Variants in NEURL4 observed in about 807,000 individuals in gnomAD.
The protein encoded by NEURL4 is neuralized-like protein 4.
NEURL4 carries 45 observed loss-of-function variants against 148.0 expected under a neutral mutation model. The observed-to-expected ratio is 0.30, with a 90% CI of 0.24 to 0.39. The LOEUF is 0.39. Ranked by LOEUF, NEURL4 falls within the 10% of genes least tolerant of loss-of-function variation. NEURL4 has a pLI of 1.00. For missense variants in NEURL4, 1,776 were observed against 2,144.0 expected (o/e 0.83, Z 3.39); for synonymous variants, 854 against 869.0 (o/e 0.98, Z 0.30).
In NEURL4 at chr17:7,324,073, C is replaced by T. The variant is rs777803344; in HGVS notation, c.2062+35G>A. On this transcript the variant is annotated intron_variant, in intron 11 of 28. Coordinates refer to ENST00000399464, the MANE Select transcript of NEURL4 (RefSeq NM_032442.3). The surrounding 1 kb of genome is among the most constrained non-coding windows in gnomAD (Gnocchi z 5.9). ...TGTCTCTCAGACCTCCCAAGGCCAC[C>T]CTAACCCCCAGCCCCAGCCCAGCCC... The T allele has an allele frequency of 4.3e-6, 7 of 1,610,062 alleles. No individual in the cohort carries two copies. The South Asian group carries it at 5.5e-5, about 13-fold the overall frequency.
chr17:7,327,379 G>C lies in NEURL4; in HGVS notation c.727+61C>G. The C allele has an allele frequency of 6.8e-7, 1 of 1,468,416 alleles. No homozygotes were observed. The highest frequency in any genetic ancestry group is 9.2e-7 in the Non-Finnish European group (1 of 1,084,074). The allele number at this position is 1,468,416 out of a possible 1,614,324, so 91.0% of individuals were successfully genotyped here. The stretch of plus-strand genomic sequence containing the variant: ...GCCCTGCCCACACCCAGCCTGTCTT[G>C]TCACTCTATTTCCCCCATTCCGTCC... On this transcript the variant is annotated intron_variant, in intron 2 of 28. Transcript: ENST00000399464. The surrounding 1 kb of genome is among the most constrained non-coding windows in gnomAD (Gnocchi z 6.6).
rs749278734 is a variant in NEURL4 at position 7,327,791 on chromosome 17, C to T, written c.376G>A (p.Gly126Ser). The T allele has an allele frequency of 1.9e-6, 3 of 1,614,004 alleles. No individual in the cohort carries two copies. Among genetic ancestry groups the T allele is most frequent in the Non-Finnish European group, 2.5e-6 (3 of 1,180,024 alleles). The change falls in exon 2 of 29, where the codon GGC becomes AGC. Residue 126 changes from glycine (G) to serine (S), a missense_variant. By Grantham distance (56) the Gly-to-Ser change is moderately conservative. Transcript: ENST00000399464. The surrounding 1 kb of genome is among the most constrained non-coding windows in gnomAD (Gnocchi z 6.6). ...FPSSATGLKG[G>S]SWVVSGCSVL... ...GAGCAGCCCGACACTACCCACGAGCCCCCCTTCAGGCCCGTGGCACTGCTT... is the reference window on the plus strand; with the variant it reads ...GAGCAGCCCGACACTACCCACGAGCTCCCCTTCAGGCCCGTGGCACTGCTT...
rs2073090109 is a variant in NEURL4, at chr17:7,325,308, G to A, written c.1532C>T (p.Ala511Val). The A allele has an allele frequency of 6.2e-7, 1 of 1,611,580 alleles. No individual in the cohort carries two copies. Among genetic ancestry groups the A allele is most frequent in the African/African-American group, 1.3e-5 (1 of 74,734 alleles). ...CTCAGGTTCTGCCTGGGCGGCAGGG[G>A]CAGCACGGCGGAGAGCACCCTCGGG... is the stretch of plus-strand genomic sequence containing the variant. Reference protein sequence around the residue: ...LSPEGALRRAAPAAQAEPERL... With the variant: ...LSPEGALRRAVPAAQAEPERL... Residue 511 changes from alanine (A) to valine (V), a missense_variant, in exon 8 of 29, where the codon GCC becomes GTC. Physicochemically the swap from Ala to Val is moderately conservative, Grantham distance 64. Coordinates refer to ENST00000399464, the MANE Select transcript of NEURL4 (RefSeq NM_032442.3).
chr17:7,327,297 G>T lies in NEURL4; in HGVS notation c.728-67C>A. The T allele has an allele frequency of 6.7e-7, 1 of 1,495,704 alleles. No individual in the cohort carries two copies. 92.7% of individuals were successfully genotyped at this position (1,495,704 alleles called of 1,614,324 possible). A position where few individuals can be genotyped will look rare whatever the true frequency, so the allele number is the denominator to read the frequency against. On this transcript the variant is annotated intron_variant, in intron 2 of 28. Transcript: ENST00000399464. This position sits in a 1 kb window ranked among gnomAD's most constrained non-coding sequence, Gnocchi z 6.6. ...CCTGCTTCACGGCCCATAGCCAGGA[G>T]AACCCCCCATCCTCTAGCTCCTGCT...
Position 7,323,720 on chromosome 17 carries a change from G to C in NEURL4, c.2265C>G (p.Ala755=). Residue 755 remains alanine (A), a synonymous_variant, in exon 13 of 29, where the codon GCC becomes GCG. Coordinates refer to ENST00000399464, the MANE Select transcript of NEURL4 (RefSeq NM_032442.3). ...FNDAIVISNR[A]LRDGELFEIV... Reference sequence around the variant, plus strand: ...TTTCAAACAGCTCTCCATCCCGCAGGGCCCTGCCAGGAGACTGGCGATCAG... The same window carrying C: ...TTTCAAACAGCTCTCCATCCCGCAGCGCCCTGCCAGGAGACTGGCGATCAG... 6.2e-7 allele frequency: 1 copy of C among 1,614,098 alleles called. No homozygotes were observed. Among genetic ancestry groups the C allele is most frequent in the Non-Finnish European group, 8.5e-7 (1 of 1,180,010 alleles).
chr17:7,327,887 G>A lies in NEURL4; in HGVS notation c.283-3C>T, dbSNP rs1315638379. 1 of 1,597,588 alleles carries A rather than the reference G, an allele frequency of 6.3e-7. No homozygotes were observed. Among genetic ancestry groups the A allele is most frequent in the Non-Finnish European group, 8.5e-7 (1 of 1,172,334 alleles). ...ATGGAGCCGCTCCAGGAGTTGACCT[G>A]GGATAGGGGTATTGGACAGAGGCTT... On this transcript the variant is annotated splice_region_variant and splice_polypyrimidine_tract_variant and intron_variant, in intron 1 of 28. Transcript: ENST00000399464. The surrounding 1 kb of genome is among the most constrained non-coding windows in gnomAD (Gnocchi z 6.6).
At chr17:7,316,925 T>A (rs868359893) in intron 28 of NEURL4, among the ~76,000 whole-genome samples, 51 of 151,544 alleles carry the variant, frequency 3.4e-4, no homozygotes, top group South Asian at 1.2e-3. Flanking sequence ...TCAAAAAAAA[T>A]AAAAATAAAA....
chr17:7,325,095 A>G (rs1340412368), intron 8 of NEURL4, 114 bp downstream of exon 8: 16 of 1,527,742 alleles, frequency 1.0e-5, no homozygotes, highest in African/African-American at 1.4e-5. Flanking sequence ...ACTAAAGCTC[A>G]ACCTCCAGGA....
Position 7,324,550 on chromosome 17 carries a change from C to T in NEURL4, c.1814-70G>A. Reference sequence around the variant, plus strand: ...GCTCCTCTCCTTGCCACAGCAGCGCCCACAGGACTCCCGAGCCCACAGTCC... The same window carrying T: ...GCTCCTCTCCTTGCCACAGCAGCGCTCACAGGACTCCCGAGCCCACAGTCC... On this transcript the variant is annotated intron_variant, in intron 9 of 28. Transcript: ENST00000399464. This position sits in a 1 kb window ranked among gnomAD's most constrained non-coding sequence, Gnocchi z 5.9. 4.3e-6 allele frequency: 6 copies of T among 1,398,324 alleles called. No individual in the cohort carries two copies. The highest frequency in any genetic ancestry group is 5.1e-6 in the Non-Finnish European group (5 of 986,652). 86.6% of individuals were successfully genotyped at this position (1,398,324 alleles called of 1,614,324 possible).
Position 7,324,122 on chromosome 17 carries a change from A to G in NEURL4, c.2048T>C (p.Ile683Thr), listed in dbSNP as rs2073068892. 1 of 1,612,948 alleles carries G rather than the reference A, an allele frequency of 6.2e-7. No homozygotes were observed. Among genetic ancestry groups the G allele is most frequent in the Non-Finnish European group, 8.5e-7 (1 of 1,179,964 alleles). The change falls in exon 11 of 29, where the codon ATT becomes ACT. Residue 683 changes from isoleucine to threonine, a missense_variant. Physicochemically the swap from Ile to Thr is moderately conservative, Grantham distance 89 (BLOSUM62 -1). Transcript: ENST00000399464. This position sits in a 1 kb window ranked among gnomAD's most constrained non-coding sequence, Gnocchi z 5.9. ...DLYGQAAQATIVDDVEVAPVP... is the reference protein window; with the variant it reads ...DLYGQAAQATTVDDVEVAPVP... The stretch of plus-strand genomic sequence containing the variant: ...CCGGCCCTCACCCACGTCGTCCACA[A>G]TGGTGGCCTGGGCCGCCTGGCCATA...
At position 7,318,420 on chromosome 17, in the gene NEURL4, G is replaced by A. The variant is rs2072980570; in HGVS notation, c.3865-64C>T. 11 of 1,610,436 alleles carry A rather than the reference G, an allele frequency of 6.8e-6. No individual in the cohort carries two copies. The highest frequency in any genetic ancestry group is 1.1e-5 in the South Asian group (1 of 90,904). ...CCCCAGGGCCTGCTGATCCCTCCCT[G>A]GAACAGAGATTTCCCCTGTCCTGGA... On this transcript the variant is annotated intron_variant, in intron 23 of 28. Coordinates refer to ENST00000399464, the MANE Select transcript of NEURL4 (RefSeq NM_032442.3). This position sits in a 1 kb window ranked among gnomAD's most constrained non-coding sequence, Gnocchi z 4.3.
In NEURL4 at chr17:7,324,171, C is replaced by G. The variant is rs1295264379; in HGVS notation, c.1999G>C (p.Gly667Arg). Residue 667 changes from glycine (G) to arginine (R), a missense_variant, in exon 11 of 29, where the codon GGC (glycine) becomes CGC (arginine). Coordinates refer to ENST00000399464, the MANE Select transcript of NEURL4 (RefSeq NM_032442.3). This position sits in a 1 kb window ranked among gnomAD's most constrained non-coding sequence, Gnocchi z 5.9. ...QGPAAWNVPP[G>R]VYAVVDLYGQ... is the part of the protein sequence containing the mutation. ...TAGAGATCGACGACAGCATAGACGC[C>G]CGGGGGCACGTTCCAGGCAGCAGGG... is the stretch of plus-strand genomic sequence containing the variant. 6.2e-7 allele frequency: 1 copy of G among 1,613,678 alleles called. No individual in the cohort carries two copies. The highest frequency in any genetic ancestry group is 2.2e-5 in the East Asian group (1 of 44,882).
rs1419990442 is a variant in NEURL4 at position 7,326,160 on chromosome 17, G to T, written c.1293+95C>A. ...GTGGAAGATACAGGGACTGCCTCTA[G>T]GTCACATAGGAGACCCTGCTTGGTG... On this transcript the variant is annotated intron_variant, in intron 6 of 28. Coordinates refer to ENST00000399464, the MANE Select transcript of NEURL4 (RefSeq NM_032442.3). This position sits in a 1 kb window ranked among gnomAD's most constrained non-coding sequence, Gnocchi z 6.0. 1.7e-6 allele frequency: 2 copies of T among 1,179,834 alleles called. No individual in the cohort carries two copies. Among genetic ancestry groups the T allele is most frequent in the Non-Finnish European group, 2.5e-6 (2 of 807,084 alleles). 73.1% of individuals were successfully genotyped at this position (1,179,834 alleles called of 1,614,324 possible). A position where few individuals can be genotyped will look rare whatever the true frequency, so the allele number is the denominator to read the frequency against.
At chr17:7,318,000 T>C in intron 25 of NEURL4, 65 bp downstream of exon 25, 1 of 1,613,398 alleles carries the variant, frequency 6.2e-7, no homozygotes, top group Non-Finnish European at 8.5e-7. Context: ...ACCCTCCAGC[T>C]GCTCTCCAAG....
Position 7,321,706 on chromosome 17 carries a change from GTCCCATCTCCCCCGGT to G in NEURL4, c.2937_2952del (p.Glu982GlnfsTer28). On this transcript the variant is annotated frameshift_variant, in exon 18 of 29. Transcript: ENST00000399464. LOFTEE classifies it high-confidence loss of function. The surrounding 1 kb of genome is among the most constrained non-coding windows in gnomAD (Gnocchi z 6.3). ...CCTGGGCCACCACCGCCTGCCCCGG[GTCCCATCTCCCCCGGT>G]GCTAGTGTGGTCAGCCCCAGCCGCA... The G allele has an allele frequency of 6.2e-7, 1 of 1,613,698 alleles. No individual in the cohort carries two copies. The highest frequency in any genetic ancestry group is 8.5e-7 in the Non-Finnish European group (1 of 1,180,034).
Position 7,324,357 on chromosome 17 carries a change from C to A in NEURL4, c.1899+38G>T. On this transcript the variant is annotated intron_variant, in intron 10 of 28. Coordinates refer to ENST00000399464, the MANE Select transcript of NEURL4 (RefSeq NM_032442.3). The surrounding 1 kb of genome is among the most constrained non-coding windows in gnomAD (Gnocchi z 5.9). ...CATCAGCCCCGCGGTGTTTGTGATG[C>A]CCGCTGCGGCCGCCAGGCGGCGCAC... is the stretch of plus-strand genomic sequence containing the variant. 5.0e-6 allele frequency: 8 copies of A among 1,613,890 alleles called. 1 individual carries two copies. The South Asian group carries it at 8.8e-5, about 18-fold the overall frequency.
In NEURL4 at chr17:7,327,944, C is replaced by T. The variant is rs74438850; in HGVS notation, c.283-60G>A. On this transcript the variant is annotated intron_variant, in intron 1 of 28. Transcript: ENST00000399464. This position sits in a 1 kb window ranked among gnomAD's most constrained non-coding sequence, Gnocchi z 6.6. ...GGCCACCCCCCATTCCACAGGCCACCATATCTTCCCACCTCTCAGACAGCT... is the reference window on the plus strand; with the variant it reads ...GGCCACCCCCCATTCCACAGGCCACTATATCTTCCCACCTCTCAGACAGCT... 2.7e-3 allele frequency: 3,551 copies of T among 1,312,406 alleles called. 84 individuals carry two copies. The African/African-American group carries it at 0.047, about 17-fold the overall frequency. 81.3% of individuals were successfully genotyped at this position (1,312,406 alleles called of 1,614,324 possible).
intron 21 of NEURL4, among the ~76,000 whole-genome samples, chr17:7,319,565 T>C (rs151222785): frequency 5.3e-5 from 8 of 150,982 alleles, no homozygotes; most frequent in African/African-American, 1.9e-4. Context: ...CCGGGCGTAG[T>C]GTCATATGCC....
At position 7,315,832 on chromosome 17, in the gene NEURL4, G is replaced by A; in HGVS notation, c.*291C>T. Reference sequence around the variant, plus strand: ...ACGGAAATAAATTAAGTGATGTGGGGTAGGGGAGTAAAAGGGAGTCATGTT... The same window carrying A: ...ACGGAAATAAATTAAGTGATGTGGGATAGGGGAGTAAAAGGGAGTCATGTT... On this transcript the variant is annotated 3_prime_UTR_variant, in exon 29 of 29. Coordinates refer to ENST00000399464, the MANE Select transcript of NEURL4 (RefSeq NM_032442.3). 1 of 540,302 alleles carries A rather than the reference G, an allele frequency of 1.9e-6. No individual in the cohort carries two copies. The highest frequency in any genetic ancestry group is 2.6e-5 in the South Asian group (1 of 38,676). 33.5% of individuals were successfully genotyped at this position (540,302 alleles called of 1,614,324 possible).
Sources: allele counts gnomAD v4.1 joint callset (sites outside exome capture counted in the v4.1 genomes callset), GRCh38; gene constraint gnomAD v4.1.1; non-coding constraint Gnocchi (gnomAD v3.1); transcripts MANE v1.5; gene names NCBI Gene and HGNC (gene_info 2026-07-23, HGNC 2026-07-21).